PTPRN2: variants seen among roughly 807,000 people sequenced by gnomAD.
PTPRN2 encodes the protein protein tyrosine phosphatase receptor type N2.
A neutral mutation model predicts 118.8 loss-of-function variants in PTPRN2; 74 were observed. The observed-to-expected ratio is 0.62, with a 90% CI of 0.52 to 0.76. The LOEUF (loss-of-function observed/expected upper bound fraction) is 0.76, where lower values mean the gene tolerates loss of function less well. Ranked by LOEUF, PTPRN2 falls within the 30% of genes least tolerant of loss-of-function variation. The pLI, the probability that PTPRN2 is intolerant of heterozygous loss-of-function variation, is 0.00. For synonymous variants in PTPRN2, 641 were observed against 608.0 expected (o/e 1.05, Z -0.80); for missense variants, 1,481 against 1,394.4 (o/e 1.06, Z -0.99).
rs72046958 is a variant in PTPRN2 at position 157,794,079 on chromosome 7, AG to A, written c.1788+104593del. 0.014 allele frequency among the ~76,000 whole-genome samples: 2,182 copies of A among 151,766 alleles called. 47 individuals are homozygous for A. Among genetic ancestry groups the A allele is most frequent in the African/African-American group, 0.049 (1,997 of 41,174 alleles). ...CAAGCTCGGGGCCCAGGTGGCCGGG[AG>A]GGGGCCGCCTGTGTCTCGCCCCTCA... On this transcript the variant is annotated intron_variant, in intron 12 of 22. Transcript: ENST00000389418. This position sits in a 1 kb window ranked among gnomAD's most constrained non-coding sequence, Gnocchi z 5.2.
chr7:158,487,946 C>A (rs1821149072), intron 2 of PTPRN2, among the ~76,000 whole-genome samples: 1 of 152,068 alleles, frequency 6.6e-6, no homozygotes, highest in Admixed American at 6.5e-5. Context: ...CTTTTCCTTT[C>A]CAAGGAATCC....
At chr7:157,545,072 G>C (rs111204819) in intron 22 of PTPRN2, among the ~76,000 whole-genome samples, 1 of 145,352 alleles carries the variant, frequency 6.9e-6, no homozygotes, top group Non-Finnish European at 1.5e-5. Context: ...AGTGTGCATG[G>C]GTGTGTGTGT....
In PTPRN2 at chr7:158,273,035, T is replaced by C. The variant is rs572641886; in HGVS notation, c.277+43784A>G. Among the ~76,000 whole-genome samples the C allele has an allele frequency of 7.8e-4, 119 of 152,126 alleles. 1 individual carries two copies. In the Middle Eastern group the frequency reaches 0.02, roughly 26 times the overall value. On this transcript the variant is annotated intron_variant, in intron 3 of 22. Transcript: ENST00000389418. ...CCATGGGCCTCCAAACAGCTCAGAA[T>C]GTAAAGGGGAAGAGCTCTGTGCTGT...
In PTPRN2 at chr7:158,280,486, C is replaced by T. The variant is rs1367805037; in HGVS notation, c.277+36333G>A. 2.0e-5 allele frequency among the ~76,000 whole-genome samples: 3 copies of T among 152,202 alleles called. No individual in the cohort carries two copies. In the East Asian group the frequency reaches 5.8e-4, roughly 29 times the overall value. Reference sequence around the variant, plus strand: ...GCTCAGCCTCTGCACACAAACCATCCTTCTGCGTTTAATTGGTCCTCTCCA... The same window carrying T: ...GCTCAGCCTCTGCACACAAACCATCTTTCTGCGTTTAATTGGTCCTCTCCA... On this transcript the variant is annotated intron_variant, in intron 3 of 22. Coordinates refer to ENST00000389418, the MANE Select transcript of PTPRN2 (RefSeq NM_002847.5).
chr7:157,961,924 G>A (rs1004704694), intron 11 of PTPRN2, among the ~76,000 whole-genome samples: 1 of 151,982 alleles, frequency 6.6e-6, no homozygotes, highest in African/African-American at 2.4e-5. Flanking sequence ...GGGACCCGGG[G>A]TGTGTGGAGA....
intron 11 of PTPRN2, among the ~76,000 whole-genome samples, chr7:157,919,402 G>T (rs577006802): frequency 2.0e-5 from 3 of 152,172 alleles, no homozygotes; most frequent in Non-Finnish European, 4.4e-5. Context: ...GGGAGATACC[G>T]AAATGATTCC....
intron 2 of PTPRN2, among the ~76,000 whole-genome samples, chr7:158,337,617 A>T (rs199726431): frequency 0.12 from 3,426 of 28,700 alleles, 253 homozygotes; most frequent in Non-Finnish European, 0.18. Flanking sequence ...TCACCATAAG[A>T]GGAGACACCT....
chr7:158,010,815 T>G (rs546948492), intron 11 of PTPRN2, among the ~76,000 whole-genome samples: 2 of 152,288 alleles, frequency 1.3e-5, no homozygotes, highest in East Asian at 1.9e-4. Flanking sequence ...TGACTAAGAC[T>G]CCTCCTTTAA....
At position 157,962,054 on chromosome 7, in the gene PTPRN2, C is replaced by T. The variant is rs912104196; in HGVS notation, c.1724-63317G>A. ...TCAGTGCCCGGCGGGTGCACACAAG[C>T]GGCGCAGTCCCTACTCTGGCGGGAA... On this transcript the variant is annotated intron_variant, in intron 11 of 22. Coordinates refer to ENST00000389418, the MANE Select transcript of PTPRN2 (RefSeq NM_002847.5). Among the ~76,000 whole-genome samples, 7 of 152,174 alleles carry T rather than the reference C, an allele frequency of 4.6e-5. No homozygotes were observed. The South Asian group carries it at 8.3e-4, about 18-fold the overall frequency.
At chr7:158,402,011 TGAAA>T (rs1480992729) in intron 2 of PTPRN2, among the ~76,000 whole-genome samples, 3 of 150,654 alleles carry the variant, frequency 2.0e-5, no homozygotes, top group Non-Finnish European at 4.4e-5. Context: ...AAACGGGGTG[TGAAA>T]GAGAGATGAG....
intron 1 of PTPRN2, among the ~76,000 whole-genome samples, chr7:158,538,106 G>A (rs559963549): frequency 1.9e-4 from 29 of 152,304 alleles, no homozygotes; most frequent in African/African-American, 6.3e-4. Flanking sequence ...GTCCCCCTGT[G>A]GAGCTCTCTT....
intron 2 of PTPRN2, among the ~76,000 whole-genome samples, chr7:158,422,419 C>T (rs567868437): frequency 1.3e-5 from 2 of 152,088 alleles, no homozygotes; most frequent in Non-Finnish European, 2.9e-5. Flanking sequence ...AATCTGGACA[C>T]GGAATTGAGC....
chr7:158,489,223 AT>A (rs1200862425), intron 2 of PTPRN2, among the ~76,000 whole-genome samples: 1 of 152,206 alleles, frequency 6.6e-6, no homozygotes, highest in Non-Finnish European at 1.5e-5. Context: ...AGGCGGGTGG[AT>A]CACCTGAAGT....
In PTPRN2 at chr7:157,629,992, A is replaced by T. The variant is rs754166918; in HGVS notation, c.2197-8483T>A. Among the ~76,000 whole-genome samples, 194 of 152,346 alleles carry T rather than the reference A, an allele frequency of 1.3e-3. 3 individuals are homozygous for T. Among genetic ancestry groups the T allele is most frequent in the Non-Finnish European group, 3.2e-4 (22 of 68,036 alleles). ...AAATGATGACCTTTTCTTTCTTTAA[A>T]AATAAACACAGTCACCTGTCTTCAT... On this transcript the variant is annotated intron_variant, in intron 14 of 22. Transcript: ENST00000389418. The surrounding 1 kb of genome is among the most constrained non-coding windows in gnomAD (Gnocchi z 4.4).
chr7:157,540,706 G>A lies in PTPRN2; in HGVS notation c.*8C>T. ...TGGGGGCTCCCCTGAGGCCCCTGAG[G>A]CTGCCGCTCACTGGGGAAGGGCCTT... is the stretch of plus-strand genomic sequence containing the variant. On this transcript the variant is annotated 3_prime_UTR_variant, in exon 23 of 23. Transcript: ENST00000389418. 1 of 1,551,702 alleles carries A rather than the reference G, an allele frequency of 6.4e-7. No individual in the cohort carries two copies. Among genetic ancestry groups the A allele is most frequent in the Non-Finnish European group, 8.7e-7 (1 of 1,144,836 alleles).
At chr7:158,196,763 G>A (rs543883625) in intron 4 of PTPRN2, among the ~76,000 whole-genome samples, 1 of 152,310 alleles carries the variant, frequency 6.6e-6, no homozygotes, top group South Asian at 2.1e-4. Context: ...ATTTCTCCTT[G>A]AGAAGTGCTC....
At chr7:158,389,163 C>T (rs1811731919) in intron 2 of PTPRN2, among the ~76,000 whole-genome samples, 1 of 152,238 alleles carries the variant, frequency 6.6e-6, no homozygotes, top group African/African-American at 2.4e-5. Flanking sequence ...GCCCTGAAGC[C>T]CTCGGCAGGA....
At chr7:157,707,775 T>G (rs1049719537) in intron 12 of PTPRN2, among the ~76,000 whole-genome samples, 7 of 152,162 alleles carry the variant, frequency 4.6e-5, no homozygotes, top group African/African-American at 1.7e-4. Flanking sequence ...AATTTTTGTA[T>G]TTTTAGTAGA....
At chr7:158,576,152 T>C (rs1461275300) in intron 1 of PTPRN2, among the ~76,000 whole-genome samples, 4 of 152,022 alleles carry the variant, frequency 2.6e-5, no homozygotes, top group African/African-American at 9.7e-5. Flanking sequence ...CTGGGTGAGG[T>C]GTGTCCCCTG....
Sources: gnomAD v4.1 joint callset for allele counts (sites outside exome capture counted in the v4.1 genomes callset) on GRCh38, gnomAD v4.1.1 for gene constraint, Gnocchi (gnomAD v3.1) non-coding constraint, MANE v1.5 for transcripts, NCBI Gene and HGNC (gene_info 2026-07-23, HGNC 2026-07-21) for gene names.